Variants in MGAM2 observed in about 807,000 individuals in gnomAD.
MGAM2 encodes the protein maltase-glucoamylase 2 (putative).
Under a neutral mutation model 96.1 loss-of-function variants are expected in MGAM2, and 98 were observed. The observed-to-expected ratio is 1.02, with a 90% CI of 0.87 to 1.21. The LOEUF (loss-of-function observed/expected upper bound fraction) is 1.21. Among genes scored for constraint, MGAM2 ranks in the 50% most tolerant of loss-of-function variants. The pLI, the probability that MGAM2 is intolerant of heterozygous loss-of-function variation, is 0.00. For synonymous variants in MGAM2, 749 were observed against 414.8 expected (o/e 1.81, Z -9.79); for missense variants, 2,055 against 1,182.4 (o/e 1.74, Z -10.82).
At chr7:142,149,689 T>C (rs1007168214) in intron 15 of MGAM2, among the ~76,000 whole-genome samples, 30 of 151,764 alleles carry the variant, frequency 2.0e-4, no homozygotes, top group Admixed American at 1.1e-3. Context: ...TACAGGCAGC[T>C]GCCACCACGC....
intron 2 of MGAM2, among the ~76,000 whole-genome samples, chr7:142,118,488 G>A (rs1392238881): frequency 1.3e-5 from 2 of 152,142 alleles, no homozygotes; most frequent in South Asian, 2.1e-4. Flanking sequence ...TAATACCCAC[G>A]GTAACTGTTT....
At chr7:142,158,735 G>T (rs1159961279) in intron 19 of MGAM2, among the ~76,000 whole-genome samples, 1 of 152,160 alleles carries the variant, frequency 6.6e-6, no homozygotes, top group Admixed American at 6.5e-5. Context: ...AGAGAGGAGT[G>T]CTGGGCAAAG....
rs1238218541 is a variant in MGAM2 at position 142,167,382 on chromosome 7, G to T, written c.2923G>T (p.Ala975Ser). The T allele has an allele frequency of 1.8e-5, 13 of 702,702 alleles. No homozygotes were observed. The highest frequency in any genetic ancestry group is 4.0e-5 in the Admixed American group (2 of 49,964). The allele number at this position is 702,702 out of a possible 1,614,324, so 43.5% of individuals were successfully genotyped here. Residue 975 changes from alanine to serine, a missense_variant, in exon 26 of 48, where the codon GCC becomes TCC. By Grantham distance (99) the Ala-to-Ser change is moderately conservative. Coordinates refer to ENST00000477922, the MANE Select transcript of MGAM2 (RefSeq NM_001293626.2). ...CACTGCAGACCTTTCCCTCCCGATGGCCCCTGAGTCAGCTGCTGCTGCCGC... is the reference window on the plus strand; with the variant it reads ...CACTGCAGACCTTTCCCTCCCGATGTCCCCTGAGTCAGCTGCTGCTGCCGC... Reference protein sequence around the residue: ...SITADLSLPMAPESAAAAASD... With the variant: ...SITADLSLPMSPESAAAAASD...
chr7:142,213,544 C>T (rs1797659594), intron 46 of MGAM2, among the ~76,000 whole-genome samples: 1 of 78,836 alleles, frequency 1.3e-5, no homozygotes, highest in South Asian at 3.9e-4. Flanking sequence ...ACTATAAACA[C>T]CTCTATGCAA....
At chr7:142,184,755 G>T (rs1453555823) in intron 33 of MGAM2, among the ~76,000 whole-genome samples, 2 of 152,186 alleles carry the variant, frequency 1.3e-5, no homozygotes, top group African/African-American at 4.8e-5. Context: ...TACTTATTAT[G>T]AATTTTGTTA....
intron 10 of MGAM2, among the ~76,000 whole-genome samples, chr7:142,138,908 C>T (rs145404143): frequency 1.5e-3 from 228 of 152,236 alleles, no homozygotes; most frequent in African/African-American, 5.1e-3. Context: ...TGCAATGTTG[C>T]GCCAGTTAAT....
chr7:142,136,648 G>A lies in MGAM2; in HGVS notation c.847+8G>A. 1 of 686,236 alleles carries A rather than the reference G, an allele frequency of 1.5e-6. No homozygotes were observed. The highest frequency in any genetic ancestry group is 1.6e-5 in the South Asian group (1 of 63,776). 42.5% of individuals were successfully genotyped at this position (686,236 alleles called of 1,614,324 possible). Reference sequence around the variant, plus strand: ...TGAACAGTAATGCCATGGGTAGGAAGCATCTTTTTATCTTCTGTAGGTAGG... The same window carrying A: ...TGAACAGTAATGCCATGGGTAGGAAACATCTTTTTATCTTCTGTAGGTAGG... On this transcript the variant is annotated splice_region_variant and intron_variant, in intron 8 of 47. Transcript: ENST00000477922.
intron 26 of MGAM2, among the ~76,000 whole-genome samples, chr7:142,168,178 T>A (rs1174331259): frequency 6.6e-6 from 1 of 152,126 alleles, no homozygotes; most frequent in Non-Finnish European, 1.5e-5. Flanking sequence ...CACCTTCAGA[T>A]CATTTTAAAA....
At chr7:142,193,351 A>C (rs1796930457) in intron 37 of MGAM2, among the ~76,000 whole-genome samples, 1 of 152,128 alleles carries the variant, frequency 6.6e-6, no homozygotes, top group Admixed American at 6.5e-5. Context: ...CTACATTTTA[A>C]GTTATTTCCT....
intron 29 of MGAM2, 62 bp from the exon 30 acceptor site, chr7:142,172,590 T>A (rs1796230430): frequency 4.8e-6 from 3 of 621,964 alleles, no homozygotes; most frequent in African/African-American, 1.8e-5. Flanking sequence ...TTAGAGCAGG[T>A]TTTCTATCTG....
intron 33 of MGAM2, among the ~76,000 whole-genome samples, chr7:142,184,216 A>G (rs1796628549): frequency 6.6e-6 from 1 of 151,636 alleles, no homozygotes; most frequent in African/African-American, 2.4e-5. Flanking sequence ...CTGGTGATCC[A>G]CCTGCCTCGG....
intron 40 of MGAM2, 91 bp from the exon 41 acceptor site, chr7:142,197,309 A>G (rs1416683550): frequency 3.1e-6 from 2 of 652,348 alleles, no homozygotes; most frequent in Non-Finnish European, 5.5e-6. Context: ...TGTAACCTAC[A>G]TTTTGAATAA....
chr7:142,131,524 C>T lies in MGAM2; in HGVS notation c.317C>T (p.Thr106Ile). The change falls in exon 5 of 48, where the codon ACT (threonine) becomes ATT (isoleucine). Residue 106 changes from threonine (T) to isoleucine (I), a missense_variant. By Grantham distance (89) the Thr-to-Ile change is moderately conservative (BLOSUM62 -1). Transcript: ENST00000477922. ...NGHTNTSTGFTAQLKRLPSPS... is the reference protein window; with the variant it reads ...NGHTNTSTGFIAQLKRLPSPS... ...CATATCTTGCCACCCCTAGGATTTA[C>T]TGCCCAGTTGAAAAGGTTGCCATCA... 2 of 702,896 alleles carry T rather than the reference C, an allele frequency of 2.8e-6. No individual in the cohort carries two copies. The highest frequency in any genetic ancestry group is 2.6e-6 in the Non-Finnish European group (1 of 384,896). The allele number at this position is 702,896 out of a possible 1,614,324, so 43.5% of individuals were successfully genotyped here.
At chr7:142,200,946 C>G (rs1158245754) in intron 45 of MGAM2, among the ~76,000 whole-genome samples, 1 of 149,154 alleles carries the variant, frequency 6.7e-6, no homozygotes, top group African/African-American at 2.5e-5. Context: ...AACATAATGA[C>G]AGAAACATGT....
intron 37 of MGAM2, among the ~76,000 whole-genome samples, chr7:142,192,831 T>G (rs554957474): frequency 6.6e-6 from 1 of 152,340 alleles, no homozygotes; most frequent in South Asian, 2.1e-4. Flanking sequence ...TCTTCCTCAC[T>G]GCTGGTATAT....
At chr7:142,150,874 A>C (rs1795558656) in intron 15 of MGAM2, among the ~76,000 whole-genome samples, 1 of 152,128 alleles carries the variant, frequency 6.6e-6, no homozygotes, top group Non-Finnish European at 1.5e-5. Flanking sequence ...TCCAAGTGCT[A>C]TTCATTCTTC....
chr7:142,160,183 G>A lies in MGAM2; in HGVS notation c.2270G>A (p.Gly757Asp), dbSNP rs1563267045. The change falls in exon 21 of 48, where the codon GGT (glycine) becomes GAT (aspartate). Residue 757 changes from glycine (G) to aspartate (D), a missense_variant. Transcript: ENST00000477922. ...CAGTTGGTGAATATGCTTCTCCCAGGTGACAAGATAGGACTTCATCTGCGA... is the reference window on the plus strand; with the variant it reads ...CAGTTGGTGAATATGCTTCTCCCAGATGACAAGATAGGACTTCATCTGCGA... ...RKQLVNMLLP[G>D]DKIGLHLRGG... is the part of the protein sequence containing the mutation. The A allele has an allele frequency of 1.4e-6, 1 of 702,706 alleles. No homozygotes were observed. Among genetic ancestry groups the A allele is most frequent in the Non-Finnish European group, 2.6e-6 (1 of 384,838 alleles). 43.5% of individuals were successfully genotyped at this position (702,706 alleles called of 1,614,324 possible). A position where few individuals can be genotyped will look rare whatever the true frequency, so the allele number is the denominator to read the frequency against.
chr7:142,131,490 C>T, intron 4 of MGAM2, 28 bp from the exon 5 acceptor site: 2 of 696,254 alleles, frequency 2.9e-6, no homozygotes, highest in Non-Finnish European at 5.2e-6. Flanking sequence ...GTCTCCTTTT[C>T]TCTCTCTCCA....
At chr7:142,184,056 T>A (rs1796623783) in intron 33 of MGAM2, among the ~76,000 whole-genome samples, 1 of 135,800 alleles carries the variant, frequency 7.4e-6, no homozygotes, top group Non-Finnish European at 1.5e-5. Context: ...GTCTGCAACC[T>A]CCTCTTCCCA....
Sources: gnomAD v4.1 joint callset for allele counts (sites outside exome capture counted in the v4.1 genomes callset) on GRCh38, gnomAD v4.1.1 for gene constraint, MANE v1.5 for transcripts, NCBI Gene and HGNC (gene_info 2026-07-23, HGNC 2026-07-21) for gene names.